Variants in LMO7 observed in about 807,000 individuals in gnomAD.
LMO7 encodes the protein LIM domain 7.
In LMO7, 120 loss-of-function variants were observed where a neutral mutation model predicts 206.5. The observed-to-expected ratio is 0.58, with a 90% CI of 0.50 to 0.68. The LOEUF is 0.68. Among genes scored for constraint, LMO7 ranks in the 30% least tolerant of loss-of-function variants. The pLI, the probability that LMO7 is intolerant of heterozygous loss-of-function variation, is 0.00. For missense variants in LMO7, 1,959 were observed against 1,957.9 expected, an observed-to-expected ratio of 1.00 and a Z score of -0.01; for synonymous variants, 706 against 681.5, an observed-to-expected ratio of 1.04 and a Z score of -0.56.
At chr13:75,747,153 G>GA (rs111985063) in intron 3 of LMO7, among the ~76,000 whole-genome samples, 190 of 151,064 alleles carry the variant, frequency 1.3e-3, no homozygotes, top group African/African-American at 4.1e-3. Context: ...ATTTTAGTTG[G>GA]AAAAAAAAAT....
At chr13:75,733,414 G>A (rs1048215865) in intron 3 of LMO7, among the ~76,000 whole-genome samples, 12 of 152,220 alleles carry the variant, frequency 7.9e-5, no homozygotes, top group Non-Finnish European at 1.6e-4. Context: ...CTCCGTGGGC[G>A]TAGGACCCTC....
At chr13:75,711,728 G>T (rs547030121) in intron 1 of LMO7, among the ~76,000 whole-genome samples, 2 of 152,218 alleles carry the variant, frequency 1.3e-5, no homozygotes, top group African/African-American at 4.8e-5. Flanking sequence ...GACTGGAGCT[G>T]TTCCTATTTG....
chr13:75,737,093 T>C lies in LMO7; in HGVS notation c.210+9995T>C, dbSNP rs57354254. ...TTGGGAATAGAGTTGTTGGAGATGA[T>C]ATAACTAGTTATAATGAGCTCATAC... On this transcript the variant is annotated intron_variant, in intron 3 of 30. Coordinates refer to ENST00000377534, the MANE Select transcript of LMO7 (RefSeq NM_001306080.2). 6.6e-3 allele frequency among the ~76,000 whole-genome samples: 1,010 copies of C among 152,278 alleles called. 13 individuals carry two copies. The highest frequency in any genetic ancestry group is 0.023 in the African/African-American group (948 of 41,544).
chr13:75,620,497 A>C (rs774157451), exon 1 of LMO7: 1 of 152,208 alleles, frequency 6.6e-6, no homozygotes, highest in Non-Finnish European at 1.5e-5. Context: ...TCAAACATTA[A>C]TGAGCATATG....
intron 2 of LMO7, among the ~76,000 whole-genome samples, chr13:75,721,575 C>G (rs2044021719): frequency 6.6e-6 from 1 of 152,164 alleles, no homozygotes; most frequent in Non-Finnish European, 1.5e-5. Flanking sequence ...ATTGGTTTTT[C>G]ATTCCTGAGT....
intron 3 of LMO7, among the ~76,000 whole-genome samples, chr13:75,754,470 G>A (rs752887965): frequency 6.6e-6 from 1 of 152,146 alleles, no homozygotes; most frequent in African/African-American, 2.4e-5. Context: ...TACATGTAAT[G>A]TACTTATTTG....
chr13:75,636,471 G>T lies in LMO7; in HGVS notation c.-187G>T. 6.9e-7 allele frequency: 1 copy of T among 1,445,260 alleles called. No homozygotes were observed. 89.5% of individuals were successfully genotyped at this position (1,445,260 alleles called of 1,614,324 possible). A position where few individuals can be genotyped will look rare whatever the true frequency, so the allele number is the denominator to read the frequency against. ...AAGCCAGGTCTTCACGTTCGTGTAG[G>T]TTCGAGACCTTAACGAACTGCAGAG... On this transcript the variant is annotated 5_prime_UTR_variant, in exon 1 of 31. Transcript: ENST00000377534.
intron 4 of LMO7, among the ~76,000 whole-genome samples, chr13:75,790,043 C>T (rs2053045798): frequency 6.6e-6 from 1 of 152,146 alleles, no homozygotes; most frequent in Non-Finnish European, 1.5e-5. Flanking sequence ...CGCCAGTGTG[C>T]TTTGCCCTTG....
chr13:75,681,702 A>ATGTG lies in LMO7; in HGVS notation c.70-31478_70-31475dup, dbSNP rs1360691041. On this transcript the variant is annotated intron_variant, in intron 1 of 30. Transcript: ENST00000377534. ...GGGAATGTCATGTATGTATGTATGT[A>ATGTG]TGTGTATATATATATGTATATATAT... Among the ~76,000 whole-genome samples, 461 of 98,134 alleles carry ATGTG rather than the reference A, an allele frequency of 4.7e-3. 5 individuals are homozygous for ATGTG. The highest frequency in any genetic ancestry group is 0.011 in the African/African-American group (348 of 31,048). The allele number at this position is 98,134 out of a possible 152,430, so 64.4% of individuals were successfully genotyped here.
chr13:75,636,471 G>A lies in LMO7; in HGVS notation c.-187G>A, dbSNP rs2035867336. The A allele has an allele frequency of 1.4e-6, 2 of 1,445,144 alleles. No homozygotes were observed. Among genetic ancestry groups the A allele is most frequent in the Non-Finnish European group, 1.8e-6 (2 of 1,108,246 alleles). The allele number at this position is 1,445,144 out of a possible 1,614,324, so 89.5% of individuals were successfully genotyped here. Reference sequence around the variant, plus strand: ...AAGCCAGGTCTTCACGTTCGTGTAGGTTCGAGACCTTAACGAACTGCAGAG... The same window carrying A: ...AAGCCAGGTCTTCACGTTCGTGTAGATTCGAGACCTTAACGAACTGCAGAG... On this transcript the variant is annotated 5_prime_UTR_variant, in exon 1 of 31. Coordinates refer to ENST00000377534, the MANE Select transcript of LMO7 (RefSeq NM_001306080.2).
At chr13:75,719,205 C>T (rs1267804102) in intron 2 of LMO7, among the ~76,000 whole-genome samples, 1 of 152,022 alleles carries the variant, frequency 6.6e-6, no homozygotes, top group Non-Finnish European at 1.5e-5. Context: ...GTCTCGAACT[C>T]CTGACCTCAA....
rs779828024 is a variant in LMO7 at position 75,796,683 on chromosome 13, G to A, written c.396G>A (p.Pro132=). ...TGGGAAGAAAAGCACAAAGCAACCC[G>A]TACTATAATGGTCCCCATCTTAATT... ...YWLGRKAQSN[P]YYNGPHLNLK... Residue 132 remains proline (P), a synonymous_variant, in exon 6 of 31, where the codon CCG becomes CCA. Coordinates refer to ENST00000377534, the MANE Select transcript of LMO7 (RefSeq NM_001306080.2). 113 of 1,613,278 alleles carry A rather than the reference G, an allele frequency of 7.0e-5. No individual in the cohort carries two copies. Among genetic ancestry groups the A allele is most frequent in the East Asian group, 1.1e-4 (5 of 44,832 alleles).
chr13:75,737,098 C>G (rs951282335), intron 3 of LMO7, among the ~76,000 whole-genome samples: 1 of 152,046 alleles, frequency 6.6e-6, no homozygotes, highest in African/African-American at 2.4e-5. Context: ...GATGATATAA[C>G]TAGTTATAAT....
At chr13:75,736,847 T>C (rs1329192001) in intron 3 of LMO7, among the ~76,000 whole-genome samples, 1 of 152,214 alleles carries the variant, frequency 6.6e-6, no homozygotes, top group African/African-American at 2.4e-5. Flanking sequence ...CTTGTCATAC[T>C]AGCCATTTTT....
At position 75,823,601 on chromosome 13, in the gene LMO7, G is replaced by C. The variant is rs142550237; in HGVS notation, c.2677G>C (p.Asp893His). ...TTGGAAGTATAATGGAGATGTTGAA[G>C]ACATTAAGAGAACTCCAAACAATGT... The part of the protein sequence containing the change: ...DAWKYNGDVE[D>H]IKRTPNNVVS... Residue 893 changes from aspartate to histidine, a missense_variant, in exon 15 of 31, where the codon GAC (aspartate) becomes CAC (histidine). Coordinates refer to ENST00000377534, the MANE Select transcript of LMO7 (RefSeq NM_001306080.2). 461 of 1,613,780 alleles carry C rather than the reference G, an allele frequency of 2.9e-4. 2 individuals are homozygous for C. The highest frequency in any genetic ancestry group is 3.6e-4 in the Non-Finnish European group (423 of 1,179,834).
At chr13:75,734,601 A>G (rs1167725565) in intron 3 of LMO7, among the ~76,000 whole-genome samples, 2 of 152,198 alleles carry the variant, frequency 1.3e-5, no homozygotes, top group African/African-American at 4.8e-5. Flanking sequence ...ATTCTTGATA[A>G]GGGTGTTGGT....
chr13:75,833,105 G>A lies in LMO7; in HGVS notation c.3004G>A (p.Asp1002Asn), dbSNP rs1459259182. 6.2e-7 allele frequency: 1 copy of A among 1,612,182 alleles called. No individual in the cohort carries two copies. Among genetic ancestry groups the A allele is most frequent in the Non-Finnish European group, 8.5e-7 (1 of 1,178,446 alleles). The change falls in exon 16 of 31, where the codon GAC becomes AAC. Residue 1002 changes from aspartate (D) to asparagine (N), a missense_variant. Physicochemically the swap from Asp to Asn is conservative, Grantham distance 23. Transcript: ENST00000377534. ...AAACCAGACGCCTGGGAAGAGTCTT[G>A]ACTTTGGGTTTACAATAAAATGGGA... ...SINQTPGKSL[D>N]FGFTIKWDIP... is the part of the protein sequence containing the mutation.
intron 1 of LMO7, among the ~76,000 whole-genome samples, chr13:75,674,128 T>C (rs2039821339): frequency 6.6e-6 from 1 of 152,254 alleles, no homozygotes; most frequent in Non-Finnish European, 1.5e-5. Context: ...TTAATGTCCA[T>C]TTATTCCTTG....
At chr13:75,725,885 G>C (rs1412094064) in intron 2 of LMO7, among the ~76,000 whole-genome samples, 1 of 151,836 alleles carries the variant, frequency 6.6e-6, no homozygotes, top group African/African-American at 2.4e-5. Context: ...ACATTCTGTA[G>C]GTTATTAAAT....
Sources: allele counts gnomAD v4.1 joint callset (sites outside exome capture counted in the v4.1 genomes callset), GRCh38; gene constraint gnomAD v4.1.1; transcripts MANE v1.5; gene names NCBI Gene and HGNC (gene_info 2026-07-23, HGNC 2026-07-21).